Variants in MRTFB observed in about 807,000 individuals in gnomAD.
MRTFB encodes the protein myocardin related transcription factor B.
A neutral mutation model predicts 104.2 loss-of-function variants in MRTFB; 29 were observed. The ratio of observed to expected loss-of-function variants is 0.28; its 90% CI spans 0.21 to 0.38. The LOEUF (loss-of-function observed/expected upper bound fraction) is 0.38, where lower values mean the gene tolerates loss of function less well. Among genes scored for constraint, MRTFB ranks in the 10% least tolerant of loss-of-function variants. The probability of loss-of-function intolerance (pLI) is 1.00; values close to 1 mark genes in which losing one functional copy is unlikely to be tolerated. For missense variants in MRTFB, 1,270 were observed against 1,341.6 expected (o/e 0.95, Z 0.83); for synonymous variants, 535 against 519.5 (o/e 1.03, Z -0.41).
chr16:14,103,450 G>C (rs909761093), intron 2 of MRTFB, among the ~76,000 whole-genome samples: 2 of 152,206 alleles, frequency 1.3e-5, no homozygotes, highest in Admixed American at 1.3e-4. Context: ...GGAAATGTCT[G>C]AGCTGTAAGA....
chr16:14,198,702 A>C (rs1025839480), intron 3 of MRTFB, among the ~76,000 whole-genome samples: 2 of 152,212 alleles, frequency 1.3e-5, no homozygotes, highest in African/African-American at 4.8e-5. Flanking sequence ...CTTTCTTTCA[A>C]CTTCTCCAAA....
At chr16:14,173,602 G>C (rs183075050) in intron 3 of MRTFB, among the ~76,000 whole-genome samples, 4 of 152,220 alleles carry the variant, frequency 2.6e-5, no homozygotes, top group Admixed American at 2.6e-4. Context: ...CAGATTCAAA[G>C]TGTTTTTCAA....
chr16:14,091,743 C>T (rs2035079220), intron 2 of MRTFB, among the ~76,000 whole-genome samples: 1 of 152,024 alleles, frequency 6.6e-6, no homozygotes, highest in African/African-American at 2.4e-5. Flanking sequence ...ACCTGTAATC[C>T]CAGCACTTTG....
the MRTFB span, among the ~76,000 whole-genome samples, chr16:13,996,867 G>A: frequency 7.9e-4 from 121 of 152,288 alleles, no homozygotes; most frequent in African/African-American, 8.9e-4. Flanking sequence ...TCTATTAGCC[G>A]CGTGGGGCCA....
At chr16:14,166,217 CTTTTT>C (rs35113283) in intron 3 of MRTFB, among the ~76,000 whole-genome samples, 1 of 112,542 alleles carries the variant, frequency 8.9e-6, no homozygotes. Flanking sequence ...GTTTTCTTTT[CTTTTT>C]TTTTTTTTTT....
Position 14,261,326 on chromosome 16 carries a change from G to C in MRTFB, c.3182G>C (p.Trp1061Ser). Residue 1061 changes from tryptophan to serine, a missense_variant, in exon 17 of 17, where the codon TGG becomes TCG. Around this residue, in one of 3 missense-constraint regions of MRTFB, gnomAD observed 1,144 missense variants for 1,131.5 expected, o/e 1.01. Coordinates refer to ENST00000571589, the MANE Select transcript of MRTFB (RefSeq NM_001308142.2). ...LSDSNLDNME[W>S]LDITMPNSSS... ...GACTCAAACTTGGACAACATGGAGTGGTTGGACATTACCATGCCCAACTCC... is the reference window on the plus strand; with the variant it reads ...GACTCAAACTTGGACAACATGGAGTCGTTGGACATTACCATGCCCAACTCC... 6.2e-7 allele frequency: 1 copy of C among 1,614,032 alleles called. No homozygotes were observed. The highest frequency in any genetic ancestry group is 8.5e-7 in the Non-Finnish European group (1 of 1,180,012).
At chr16:14,068,397 C>G (rs2033543319), upstream of MRTFB, among the ~76,000 whole-genome samples, 1 of 152,156 alleles carries the variant, frequency 6.6e-6, no homozygotes, top group African/African-American at 2.4e-5. Flanking sequence ...GCATCTTACA[C>G]TGGAGTCCTG....
chr16:14,003,623 G>GGCCTGCCTGCCT, the MRTFB span, among the ~76,000 whole-genome samples: 73 of 85,434 alleles, frequency 8.5e-4, no homozygotes, highest in Admixed American at 3.6e-3. Context: ...GGGGCCGGCC[G>GGCCTGCCTGCCT]GCCTGCCTGC....
At position 14,265,007 on chromosome 16, in the gene MRTFB, G is replaced by A. The variant is rs1448672619; in HGVS notation, c.*3563G>A. On this transcript the variant is annotated 3_prime_UTR_variant, in exon 17 of 17. Coordinates refer to ENST00000571589, the MANE Select transcript of MRTFB (RefSeq NM_001308142.2). ...CCCTTTACTGTCCTCAAATGGACTT[G>A]GCCTTAGAGACGTGGTAAAGCACTT... is the stretch of plus-strand genomic sequence containing the variant. 6.6e-6 allele frequency: 1 copy of A among 152,198 alleles called. No homozygotes were observed. Among genetic ancestry groups the A allele is most frequent in the Non-Finnish European group, 1.5e-5 (1 of 68,044 alleles). The allele number at this position is 152,198 out of a possible 1,614,324, so 9.4% of individuals were successfully genotyped here. A position where few individuals can be genotyped will look rare whatever the true frequency, so the allele number is the denominator to read the frequency against.
In MRTFB at chr16:14,206,891, A is replaced by G. The variant is rs143653731; in HGVS notation, c.155-3352A>G. ...CATAGTGCCTCATATTCAATATAAT[A>G]TGTGCAGTAGTGTCCACCTATGGGT... On this transcript the variant is annotated intron_variant, in intron 3 of 16. Coordinates refer to ENST00000571589, the MANE Select transcript of MRTFB (RefSeq NM_001308142.2). Among the ~76,000 whole-genome samples, 4 of 151,720 alleles carry G rather than the reference A, an allele frequency of 2.6e-5. No homozygotes were observed. In the East Asian group the frequency reaches 7.8e-4, roughly 30 times the overall value.
intron 2 of MRTFB, among the ~76,000 whole-genome samples, chr16:14,085,551 C>G (rs2034657011): frequency 6.6e-6 from 1 of 150,982 alleles, no homozygotes; most frequent in Non-Finnish European, 1.5e-5. Flanking sequence ...CTTTTCACTC[C>G]AAGTTAACAT....
At chr16:14,258,471 C>G (rs1227281203) in intron 16 of MRTFB, among the ~76,000 whole-genome samples, 3 of 152,170 alleles carry the variant, frequency 2.0e-5, no homozygotes, top group South Asian at 4.1e-4. Context: ...TGGCACACCC[C>G]TGGGGTCCCA....
intron 3 of MRTFB, among the ~76,000 whole-genome samples, chr16:14,157,807 G>T (rs1597105376): frequency 1.3e-5 from 2 of 152,158 alleles, no homozygotes. Flanking sequence ...AGACATCACT[G>T]AATAAAGGAA....
chr16:14,163,552 C>G (rs2039119173), intron 3 of MRTFB, among the ~76,000 whole-genome samples: 2 of 152,114 alleles, frequency 1.3e-5, no homozygotes, highest in African/African-American at 2.4e-5. Context: ...AAACTTTTGG[C>G]CGGGCACAGT....
intron 2 of MRTFB, among the ~76,000 whole-genome samples, chr16:14,112,985 A>G (rs1401718948): frequency 1.3e-5 from 2 of 152,202 alleles, no homozygotes; most frequent in African/African-American, 2.4e-5. Context: ...ACTTATTGGT[A>G]TATTACACGA....
intron 3 of MRTFB, among the ~76,000 whole-genome samples, chr16:14,196,834 T>C (rs1162231803): frequency 6.6e-6 from 1 of 152,204 alleles, no homozygotes; most frequent in Non-Finnish European, 1.5e-5. Flanking sequence ...TTCCACTTTT[T>C]AAAATTCCTT....
At chr16:14,046,337 T>C in the MRTFB span, among the ~76,000 whole-genome samples, 1 of 152,034 alleles carries the variant, frequency 6.6e-6, no homozygotes, top group African/African-American at 2.4e-5. Flanking sequence ...AAAATATACA[T>C]ATATATTTTG....
intron 8 of MRTFB, among the ~76,000 whole-genome samples, chr16:14,226,269 G>T (rs1452576679): frequency 3.9e-5 from 6 of 152,132 alleles, no homozygotes; most frequent in Admixed American, 1.3e-4. Context: ...TTTTAAAAAA[G>T]TTAGAGGTCT....
chr16:14,115,010 T>C (rs555693514), intron 2 of MRTFB, among the ~76,000 whole-genome samples: 1 of 152,340 alleles, frequency 6.6e-6, no homozygotes, highest in Non-Finnish European at 1.5e-5. Context: ...TATTCCTCCT[T>C]GCCACCACAG....
Sources: gnomAD v4.1 joint callset for allele counts (sites outside exome capture counted in the v4.1 genomes callset) on GRCh38, gnomAD v4.1.1 for gene constraint, gnomAD v4.1.1 regional missense constraint, MANE v1.5 for transcripts, NCBI Gene and HGNC (gene_info 2026-07-23, HGNC 2026-07-21) for gene names.